Variants in MAGI1 observed in about 807,000 individuals in gnomAD.
MAGI1 encodes membrane-associated guanylate kinase, WW and PDZ domain-containing protein 1.
Under a neutral mutation model 139.9 loss-of-function variants are expected in MAGI1, and 58 were observed. The observed-to-expected ratio is 0.41, with a 90% CI of 0.34 to 0.52. MAGI1 has a LOEUF of 0.52. Ranked by LOEUF, MAGI1 falls within the 20% of genes least tolerant of loss-of-function variation. The probability of loss-of-function intolerance (pLI) is 0.12; values close to 1 mark genes in which losing one functional copy is unlikely to be tolerated. For synonymous variants in MAGI1, 812 were observed against 737.9 expected (o/e 1.10, Z -1.63); for missense variants, 1,874 against 1,901.6 (o/e 0.99, Z 0.27).
intron 12 of MAGI1, among the ~76,000 whole-genome samples, chr3:65,422,416 G>A (rs58751909): frequency 0.088 from 13,403 of 152,206 alleles, 664 homozygotes; most frequent in Non-Finnish European, 0.12. Context: ...ACAGACCCGG[G>A]TTCAGAGTCA....
rs1007580145 is a variant in MAGI1, at chr3:65,360,719, G to A, written c.3634+480C>T. On this transcript the variant is annotated intron_variant, in intron 22 of 22. Coordinates refer to ENST00000402939, the MANE Select transcript of MAGI1 (RefSeq NM_001033057.2). The stretch of plus-strand genomic sequence containing the variant: ...AGAAGTGTTGTATACAGAGCATAAG[G>A]GAGGTTAGCAAAGCCCCCAAATCTC... 1.0e-5 allele frequency: 10 copies of A among 1,003,950 alleles called. No homozygotes were observed. In the African/African-American group the frequency reaches 1.7e-4, roughly 17 times the overall value. The allele number at this position is 1,003,950 out of a possible 1,614,324, so 62.2% of individuals were successfully genotyped here.
At chr3:65,436,893 G>C (rs1459445128) in intron 10 of MAGI1, among the ~76,000 whole-genome samples, 2 of 152,084 alleles carry the variant, frequency 1.3e-5, no homozygotes, top group East Asian at 3.9e-4. Context: ...TGCTGAGATT[G>C]AGAAACGTTG....
intron 1 of MAGI1, among the ~76,000 whole-genome samples, chr3:66,011,288 C>T (rs893107038): frequency 2.6e-5 from 4 of 152,242 alleles, no homozygotes; most frequent in East Asian, 1.9e-4. Flanking sequence ...CGACAACAAA[C>T]GTTGCAACAG....
intron 1 of MAGI1, among the ~76,000 whole-genome samples, chr3:65,699,599 T>A (rs569679893): frequency 1.6e-3 from 238 of 147,610 alleles, no homozygotes; most frequent in African/African-American, 5.7e-3. Context: ...AAATTGGAAA[T>A]CATCATTCTC....
intron 2 of MAGI1, among the ~76,000 whole-genome samples, chr3:65,516,857 A>G (rs1235743889): frequency 6.8e-6 from 1 of 147,276 alleles, no homozygotes; most frequent in Non-Finnish European, 1.5e-5. Context: ...CCTCCCGAGT[A>G]GCTGGGACTA....
intron 18 of MAGI1, among the ~76,000 whole-genome samples, chr3:65,371,248 G>A (rs141662493): frequency 6.6e-6 from 1 of 152,230 alleles, no homozygotes; most frequent in African/African-American, 2.4e-5. Flanking sequence ...GAGATATCAC[G>A]GGTTCAGTTC....
intron 6 of MAGI1, among the ~76,000 whole-genome samples, chr3:65,452,331 C>CA (rs1052380846): frequency 6.6e-6 from 1 of 152,004 alleles, no homozygotes; most frequent in African/African-American, 2.4e-5. Flanking sequence ...CTTGCATTTT[C>CA]AAAAAATCTT....
intron 2 of MAGI1, among the ~76,000 whole-genome samples, chr3:65,611,678 T>C (rs2083133541): frequency 7.5e-6 from 1 of 133,776 alleles, no homozygotes; most frequent in Admixed American, 7.4e-5. Flanking sequence ...GTATACTATA[T>C]ATAGTGTCAT....
At chr3:65,970,288 A>C (rs916411533) in intron 1 of MAGI1, among the ~76,000 whole-genome samples, 10 of 152,198 alleles carry the variant, frequency 6.6e-5, no homozygotes. Flanking sequence ...ACCAAGAATA[A>C]TTAAATTCAT....
intron 12 of MAGI1, among the ~76,000 whole-genome samples, chr3:65,428,109 G>C (rs1947193528): frequency 6.6e-6 from 1 of 152,144 alleles, no homozygotes; most frequent in African/African-American, 2.4e-5. Flanking sequence ...CAGCCATTCT[G>C]ATCGCAGAAC....
chr3:65,997,483 C>T (rs1487591975), intron 1 of MAGI1, among the ~76,000 whole-genome samples: 2 of 152,138 alleles, frequency 1.3e-5, no homozygotes, highest in East Asian at 1.9e-4. Context: ...GGTGAAACCC[C>T]ATCTCTACTA....
At chr3:65,581,455 T>A (rs2081420022) in intron 2 of MAGI1, among the ~76,000 whole-genome samples, 1 of 152,078 alleles carries the variant, frequency 6.6e-6, no homozygotes, top group South Asian at 2.1e-4. Flanking sequence ...ATGACCCGAT[T>A]CTCTATTACT....
At chr3:65,509,509 G>C (rs1003078897) in intron 2 of MAGI1, among the ~76,000 whole-genome samples, 2 of 152,210 alleles carry the variant, frequency 1.3e-5, no homozygotes, top group African/African-American at 4.8e-5. Flanking sequence ...CAAGGGGCCA[G>C]GGAGTTCCCT....
At chr3:65,484,612 T>C (rs1435117093) in intron 3 of MAGI1, among the ~76,000 whole-genome samples, 3 of 152,074 alleles carry the variant, frequency 2.0e-5, no homozygotes, top group Admixed American at 2.0e-4. Flanking sequence ...CCATGCCCAC[T>C]CTCCAAGCAC....
intron 2 of MAGI1, among the ~76,000 whole-genome samples, chr3:65,572,377 T>C (rs755546592): frequency 6.6e-6 from 1 of 151,872 alleles, no homozygotes; most frequent in African/African-American, 2.4e-5. Context: ...AACAAGCAAA[T>C]GGTGTTAAAG....
At chr3:65,967,137 T>C (rs1366013860) in intron 1 of MAGI1, among the ~76,000 whole-genome samples, 1 of 152,072 alleles carries the variant, frequency 6.6e-6, no homozygotes, top group Non-Finnish European at 1.5e-5. Context: ...TAACTACCCA[T>C]ACCATGGTGC....
At chr3:65,604,293 C>T (rs893412761) in intron 2 of MAGI1, among the ~76,000 whole-genome samples, 1 of 151,782 alleles carries the variant, frequency 6.6e-6, no homozygotes, top group African/African-American at 2.4e-5. Flanking sequence ...ACATTTGAAG[C>T]TATGTTGGAT....
chr3:65,486,410 ACT>A (rs1220039670), intron 3 of MAGI1, among the ~76,000 whole-genome samples: 2 of 151,726 alleles, frequency 1.3e-5, no homozygotes, highest in East Asian at 3.9e-4. Context: ...TCCCTTGTAA[ACT>A]CTCTCCTAGA....
intron 1 of MAGI1, among the ~76,000 whole-genome samples, chr3:65,980,706 T>A (rs901789677): frequency 3.9e-5 from 6 of 152,162 alleles, no homozygotes; most frequent in Non-Finnish European, 7.3e-5. Context: ...TGTTTGGTAT[T>A]GTGGAAGAGG....
Sources: allele counts gnomAD v4.1 joint callset (sites outside exome capture counted in the v4.1 genomes callset), GRCh38; gene constraint gnomAD v4.1.1; transcripts MANE v1.5; gene names NCBI Gene and HGNC (gene_info 2026-07-23, HGNC 2026-07-21).